FOXO3: variants seen among roughly 807,000 people sequenced by gnomAD.
FOXO3 encodes forkhead box O3, also known as forkhead box protein O3.
In FOXO3, 4 loss-of-function variants were observed where a neutral mutation model predicts 41.9. That is an observed-to-expected ratio of 0.10 (90% CI 0.05 to 0.22). The LOEUF (loss-of-function observed/expected upper bound fraction) is 0.22. Among genes scored for constraint, FOXO3 ranks in the 10% least tolerant of loss-of-function variants. FOXO3 has a pLI of 1.00. For missense variants in FOXO3, 534 were observed against 906.8 expected, an observed-to-expected ratio of 0.59 and a Z score of 5.28; for synonymous variants, 318 against 389.3, an observed-to-expected ratio of 0.82 and a Z score of 2.16.
intron 1 of FOXO3, among the ~76,000 whole-genome samples, chr6:108,634,778 T>C (rs1021529261): frequency 2.0e-5 from 3 of 152,186 alleles, no homozygotes; most frequent in Non-Finnish European, 4.4e-5. Flanking sequence ...TAACAGTCTT[T>C]CTACTTCTGC....
At chr6:108,569,987 GTTT>G (rs71015551) in intron 1 of FOXO3, among the ~76,000 whole-genome samples, 36 of 73,256 alleles carry the variant, frequency 4.9e-4, no homozygotes, top group African/African-American at 2.1e-3. Context: ...CCCTTGCGTG[GTTT>G]TTTTTTTTTT....
intron 1 of FOXO3, among the ~76,000 whole-genome samples, chr6:108,646,709 A>G (rs529821116): frequency 7.9e-5 from 12 of 152,346 alleles, no homozygotes; most frequent in African/African-American, 2.6e-4. Context: ...AAACCTGGGA[A>G]AAGAGAATGT....
At chr6:108,650,624 CTA>C (rs2128382405) in intron 1 of FOXO3, among the ~76,000 whole-genome samples, 1 of 152,300 alleles carries the variant, frequency 6.6e-6, no homozygotes, top group South Asian at 2.1e-4. Context: ...TTTAGAAAAA[CTA>C]TGATTTTATC....
intron 1 of FOXO3, among the ~76,000 whole-genome samples, chr6:108,653,518 G>A (rs1349512939): frequency 4.6e-5 from 7 of 152,184 alleles, no homozygotes; most frequent in Non-Finnish European, 1.0e-4. Context: ...GGATTCAGGT[G>A]TGGCACTGTG....
At chr6:108,632,701 A>G (rs1218927705) in intron 1 of FOXO3, among the ~76,000 whole-genome samples, 1 of 152,180 alleles carries the variant, frequency 6.6e-6, no homozygotes, top group African/African-American at 2.4e-5. Flanking sequence ...GTCAACTGGC[A>G]GTGTTTTTTC....
At chr6:108,626,249 A>G (rs891268002) in intron 1 of FOXO3, among the ~76,000 whole-genome samples, 1 of 152,224 alleles carries the variant, frequency 6.6e-6, no homozygotes, top group Non-Finnish European at 1.5e-5. Flanking sequence ...CAGGTAAGGC[A>G]TATCAGTTGG....
chr6:108,613,004 C>T (rs1777406093), intron 1 of FOXO3, among the ~76,000 whole-genome samples: 1 of 152,256 alleles, frequency 6.6e-6, no homozygotes, highest in African/African-American at 2.4e-5. Context: ...TTTTTCCTCA[C>T]CTGTTGAGAA....
chr6:108,593,250 G>C (rs2128363702), intron 1 of FOXO3, among the ~76,000 whole-genome samples: 1 of 152,252 alleles, frequency 6.6e-6, no homozygotes, highest in Admixed American at 6.5e-5. Context: ...GATATTTTAG[G>C]TAGTACTATT....
intron 1 of FOXO3, among the ~76,000 whole-genome samples, chr6:108,646,051 G>A (rs1778384479): frequency 6.6e-6 from 1 of 152,096 alleles, no homozygotes; most frequent in Non-Finnish European, 1.5e-5. Context: ...AGAAGTGATT[G>A]ATGCTCAGAC....
intron 1 of FOXO3, among the ~76,000 whole-genome samples, chr6:108,583,917 T>G (rs760808561): frequency 2.0e-5 from 3 of 152,130 alleles, no homozygotes; most frequent in Non-Finnish European, 2.9e-5. Context: ...GTTTTGTTGG[T>G]CACCCAGATG....
intron 2 of FOXO3, among the ~76,000 whole-genome samples, chr6:108,677,299 T>G (rs1770646920): frequency 6.6e-6 from 1 of 152,244 alleles, no homozygotes; most frequent in Non-Finnish European, 1.5e-5. Context: ...ATATTAAGCC[T>G]GGGGACTGTG....
At chr6:108,676,196 C>T (rs1012932336) in intron 2 of FOXO3, among the ~76,000 whole-genome samples, 5 of 152,142 alleles carry the variant, frequency 3.3e-5, no homozygotes, top group African/African-American at 1.2e-4. Context: ...GGAGAGAGGG[C>T]GTCTTCCCTT....
chr6:108,593,712 C>CTTTTTTTTTTTTTTT (rs34228633), intron 1 of FOXO3, among the ~76,000 whole-genome samples: 4 of 83,342 alleles, frequency 4.8e-5, no homozygotes, highest in Admixed American at 1.5e-4. Context: ...TTTTCTTCTT[C>CTTTTTTTTTTTTTTT]TTTTTTTTTT....
intron 1 of FOXO3, among the ~76,000 whole-genome samples, chr6:108,579,174 A>G (rs1483435732): frequency 6.6e-6 from 1 of 152,210 alleles, no homozygotes; most frequent in African/African-American, 2.4e-5. Flanking sequence ...TTTGGATTAC[A>G]GTTCATTCTG....
At chr6:108,636,375 G>T (rs752208258) in intron 1 of FOXO3, among the ~76,000 whole-genome samples, 1 of 152,100 alleles carries the variant, frequency 6.6e-6, no homozygotes, top group African/African-American at 2.4e-5. Context: ...TCACTGTTTC[G>T]TATGCTCTAG....
In FOXO3 at chr6:108,561,084, AGGC is replaced by A. The variant is rs570685528; in HGVS notation, c.-111_-109del. On this transcript the variant is annotated 5_prime_UTR_variant, in exon 1 of 3. Coordinates refer to ENST00000406360, the MANE Select transcript of FOXO3 (RefSeq NM_001455.4). ...CTTCTCTCTTCTTTGGTGCTTCCCC[AGGC>A]GGCGGCGGCGGCGCCCGGGAGCCGG... is the stretch of plus-strand genomic sequence containing the variant. The A allele has an allele frequency of 1.5e-4, 214 of 1,427,192 alleles. No individual in the cohort carries two copies. Among genetic ancestry groups the A allele is most frequent in the Admixed American group, 7.8e-4 (25 of 31,938 alleles). The allele number at this position is 1,427,192 out of a possible 1,614,324, so 88.4% of individuals were successfully genotyped here. A position where few individuals can be genotyped will look rare whatever the true frequency, so the allele number is the denominator to read the frequency against.
intron 1 of FOXO3, among the ~76,000 whole-genome samples, chr6:108,634,638 G>A (rs1051070897): frequency 5.9e-5 from 9 of 152,076 alleles, no homozygotes; most frequent in South Asian, 2.1e-4. Flanking sequence ...CTTTTTGCAC[G>A]TATGGGATTT....
chr6:108,677,337 A>G (rs932798371), intron 2 of FOXO3, among the ~76,000 whole-genome samples: 2 of 152,182 alleles, frequency 1.3e-5, no homozygotes, highest in African/African-American at 4.8e-5. Context: ...ACTGTCCCAC[A>G]TGGGCCTCCT....
At chr6:108,635,129 C>T (rs1223621069) in intron 1 of FOXO3, among the ~76,000 whole-genome samples, 3 of 151,956 alleles carry the variant, frequency 2.0e-5, no homozygotes, top group Non-Finnish European at 4.4e-5. Context: ...GGCAAAACCT[C>T]ATCTCTACTA....
Sources: allele counts gnomAD v4.1 joint callset (sites outside exome capture counted in the v4.1 genomes callset), GRCh38; gene constraint gnomAD v4.1.1; transcripts MANE v1.5; gene names NCBI Gene and HGNC (gene_info 2026-07-23, HGNC 2026-07-21).